Variants in STK3 observed in about 807,000 individuals in gnomAD.
STK3 encodes serine/threonine-protein kinase 3.
STK3 carries 41 observed loss-of-function variants against 58.0 expected under a neutral mutation model. The observed-to-expected ratio is 0.71, with a 90% CI of 0.55 to 0.92. STK3 has a LOEUF of 0.92. STK3 is among the 40% of genes least tolerant of loss of function. STK3 has a pLI of 0.00. For synonymous variants in STK3, 170 were observed against 191.0 expected, an observed-to-expected ratio of 0.89 and a Z score of 0.91; for missense variants, 479 against 602.7, an observed-to-expected ratio of 0.79 and a Z score of 2.15.
chr8:98,452,167 A>G (rs190490485), downstream of STK3, among the ~76,000 whole-genome samples: 178 of 152,350 alleles, frequency 1.2e-3, 1 homozygote, highest in South Asian at 1.2e-3. Flanking sequence ...CATCTTATTA[A>G]TGTATTATAT....
intron 6 of STK3, among the ~76,000 whole-genome samples, chr8:98,603,856 G>A (rs563170499): frequency 3.0e-4 from 45 of 152,172 alleles, no homozygotes; most frequent in African/African-American, 9.1e-4. Context: ...CCCCCACCCC[G>A]CAAGATGTCT....
chr8:98,469,902 C>A (rs546650444), intron 10 of STK3, among the ~76,000 whole-genome samples: 3 of 152,328 alleles, frequency 2.0e-5, no homozygotes, highest in African/African-American at 7.2e-5. Context: ...TAGTAACTGA[C>A]TGACATACAC....
chr8:98,907,409 A>T (rs886080620), intron 1 of STK3, among the ~76,000 whole-genome samples: 2 of 151,862 alleles, frequency 1.3e-5, no homozygotes, highest in African/African-American at 4.8e-5. Flanking sequence ...GCTACTCGGG[A>T]GGCTAAGGCA....
At chr8:98,404,874 C>T (rs542554065) in intron 3 of STK3, among the ~76,000 whole-genome samples, 1 of 151,988 alleles carries the variant, frequency 6.6e-6, no homozygotes, top group Non-Finnish European at 1.5e-5. Flanking sequence ...TAAAATAAAA[C>T]TTGACTGTAG....
chr8:98,597,505 A>G (rs964608616), intron 6 of STK3: 2 of 985,282 alleles, frequency 2.0e-6, no homozygotes, highest in Non-Finnish European at 2.4e-6. Context: ...AAATATTTAT[A>G]AAGCATTTCT....
intron 3 of STK3, among the ~76,000 whole-genome samples, chr8:98,869,825 G>C (rs1187598683): frequency 6.6e-6 from 1 of 150,572 alleles, no homozygotes; most frequent in Non-Finnish European, 1.5e-5. Context: ...TTTGCTTTGG[G>C]ATAATATATT....
intron 6 of STK3, chr8:98,597,503 A>C (rs1815931366): frequency 2.0e-6 from 2 of 985,310 alleles, no homozygotes; most frequent in Admixed American, 1.2e-4. Context: ...ACAAATATTT[A>C]TAAAGCATTT....
intron 3 of STK3, among the ~76,000 whole-genome samples, chr8:98,864,544 G>T (rs74830079): frequency 6.6e-6 from 1 of 152,228 alleles, no homozygotes; most frequent in African/African-American, 2.4e-5. Flanking sequence ...TACTTCCATT[G>T]TCTCTACCTT....
At chr8:98,858,370 A>T (rs1344017183) in intron 3 of STK3, among the ~76,000 whole-genome samples, 2 of 143,550 alleles carry the variant, frequency 1.4e-5, no homozygotes, top group Admixed American at 1.4e-4. Context: ...ACAGAGAGAG[A>T]GTATATAGTA....
At chr8:98,904,510 A>T (rs1443978341) in intron 1 of STK3, 2 of 396,014 alleles carry the variant, frequency 5.1e-6, no homozygotes, top group Non-Finnish European at 9.9e-6. Context: ...CAATGGAAAC[A>T]TCCTGGCAAA....
At chr8:98,696,656 C>T (rs1186180278) in intron 6 of STK3, among the ~76,000 whole-genome samples, 1 of 152,148 alleles carries the variant, frequency 6.6e-6, no homozygotes, top group Non-Finnish European at 1.5e-5. Flanking sequence ...TGCTGGATTA[C>T]ATTTATTGAT....
chr8:98,603,508 A>T (rs1375755001), intron 6 of STK3: 2 of 152,226 alleles, frequency 1.3e-5, no homozygotes, highest in African/African-American at 4.8e-5. Flanking sequence ...AAGTGCTGGG[A>T]TTACAGGTGT....
chr8:98,750,176 G>A (rs1470005456), intron 3 of STK3, among the ~76,000 whole-genome samples: 1 of 152,048 alleles, frequency 6.6e-6, no homozygotes, highest in Non-Finnish European at 1.5e-5. Flanking sequence ...AAATAACATT[G>A]GAATCATCCA....
chr8:98,400,930 G>C (rs1010040550), downstream of STK3, among the ~76,000 whole-genome samples: 1 of 151,980 alleles, frequency 6.6e-6, no homozygotes, highest in East Asian at 1.9e-4. Context: ...GTTCATTCCA[G>C]AACTTTGCAA....
chr8:98,759,469 C>G (rs1457361149), intron 3 of STK3, among the ~76,000 whole-genome samples: 1 of 152,036 alleles, frequency 6.6e-6, no homozygotes, highest in Non-Finnish European at 1.5e-5. Flanking sequence ...ACAGTAACAT[C>G]AAAGATCACT....
chr8:98,644,921 G>A (rs1485662492), intron 6 of STK3, among the ~76,000 whole-genome samples: 1 of 152,158 alleles, frequency 6.6e-6, no homozygotes, highest in Non-Finnish European at 1.5e-5. Flanking sequence ...TTCAGATGAG[G>A]AATATGTCTG....
At chr8:98,378,494 T>C (rs563848793) in intron 2 of STK3, among the ~76,000 whole-genome samples, 1 of 152,340 alleles carries the variant, frequency 6.6e-6, no homozygotes, top group African/African-American at 2.4e-5. Context: ...GGCAAATTAT[T>C]TACATTTCCT....
chr8:98,833,367 T>C (rs1206832055), intron 3 of STK3, among the ~76,000 whole-genome samples: 2 of 152,182 alleles, frequency 1.3e-5, no homozygotes, highest in African/African-American at 2.4e-5. Context: ...GTTCATGTTA[T>C]GTAGATGGAG....
chr8:98,396,340 C>A (rs1447683933), intron 3 of STK3, among the ~76,000 whole-genome samples: 1 of 152,176 alleles, frequency 6.6e-6, no homozygotes, highest in Non-Finnish European at 1.5e-5. Flanking sequence ...AAGAAGCATC[C>A]AAAGCAATTG....
Sources: gnomAD v4.1 joint callset for allele counts (sites outside exome capture counted in the v4.1 genomes callset) on GRCh38, gnomAD v4.1.1 for gene constraint, MANE v1.5 for transcripts, NCBI Gene and HGNC (gene_info 2026-07-23, HGNC 2026-07-21) for gene names.